KCNQ3: variants seen among roughly 807,000 people sequenced by gnomAD.
KCNQ3 encodes potassium voltage-gated channel subfamily Q member 3.
Under a neutral mutation model 92.5 loss-of-function variants are expected in KCNQ3, and 30 were observed. The ratio of observed to expected loss-of-function variants is 0.32; its 90% CI spans 0.24 to 0.44. KCNQ3 has a LOEUF of 0.44. Ranked by LOEUF, KCNQ3 falls within the 20% of genes least tolerant of loss-of-function variation. KCNQ3 has a pLI of 1.00. For missense variants in KCNQ3, 913 were observed against 1,140.3 expected (o/e 0.80, Z 2.87); for synonymous variants, 450 against 468.8 (o/e 0.96, Z 0.52).
intron 1 of KCNQ3, among the ~76,000 whole-genome samples, chr8:132,360,625 G>A (rs1027854926): frequency 5.3e-5 from 8 of 152,288 alleles, no homozygotes; most frequent in South Asian, 4.1e-4. Context: ...TCAGACTCAC[G>A]ACAAGAGCTG....
intron 1 of KCNQ3, among the ~76,000 whole-genome samples, chr8:132,372,083 A>G (rs1359012638): frequency 6.6e-6 from 1 of 152,026 alleles, no homozygotes; most frequent in Non-Finnish European, 1.5e-5. Flanking sequence ...TCCCAGCCCT[A>G]TCCTTCCCCA....
At chr8:132,203,701 T>A (rs1377837556) in intron 1 of KCNQ3, among the ~76,000 whole-genome samples, 3 of 152,200 alleles carry the variant, frequency 2.0e-5, no homozygotes. Flanking sequence ...TCCAATCCCT[T>A]GTGTTTATTA....
intron 1 of KCNQ3, among the ~76,000 whole-genome samples, chr8:132,455,540 T>G (rs1779240391): frequency 6.6e-6 from 1 of 152,242 alleles, no homozygotes; most frequent in South Asian, 2.1e-4. Context: ...ATTTATTCGT[T>G]TCTTCAGTTG....
chr8:132,335,790 G>T (rs1040307874), intron 1 of KCNQ3, among the ~76,000 whole-genome samples: 1 of 152,200 alleles, frequency 6.6e-6, no homozygotes, highest in Non-Finnish European at 1.5e-5. Flanking sequence ...AAGAAGCAAA[G>T]TTGGGGAAAA....
rs1045966596 is a variant in KCNQ3 at position 132,307,445 on chromosome 8, C to T, written c.387-121264G>A. ...GGTAAAGTAAGCTACAACAACTACA[C>T]TGAGAAACGTGGGGCTTAGTTCTTG... On this transcript the variant is annotated intron_variant, in intron 1 of 14. Transcript: ENST00000388996. Among the ~76,000 whole-genome samples the T allele has an allele frequency of 4.6e-5, 7 of 152,218 alleles. No homozygotes were observed. The East Asian group carries it at 1.3e-3, about 29-fold the overall frequency.
chr8:132,337,242 G>T (rs200190772), intron 1 of KCNQ3, among the ~76,000 whole-genome samples: 1 of 152,182 alleles, frequency 6.6e-6, no homozygotes, highest in East Asian at 1.9e-4. Context: ...CCAGCACTTT[G>T]GCAGTCCAAG....
At chr8:132,145,624 T>G (rs1284565635) in intron 9 of KCNQ3, among the ~76,000 whole-genome samples, 1 of 152,216 alleles carries the variant, frequency 6.6e-6, no homozygotes, top group Non-Finnish European at 1.5e-5. Context: ...GAGCTTATGA[T>G]AAAGTCGAGA....
intron 1 of KCNQ3, among the ~76,000 whole-genome samples, chr8:132,288,373 C>T (rs369150354): frequency 6.6e-6 from 1 of 152,164 alleles, no homozygotes; most frequent in Non-Finnish European, 1.5e-5. Context: ...ATAATTTTGC[C>T]TTTGATCTTG....
chr8:132,211,551 T>C (rs1167742323), intron 1 of KCNQ3, among the ~76,000 whole-genome samples: 1 of 152,200 alleles, frequency 6.6e-6, no homozygotes, highest in Non-Finnish European at 1.5e-5. Flanking sequence ...TTTGAGTCCT[T>C]TATAAGATCT....
chr8:132,149,320 TG>T (rs1171195575), intron 9 of KCNQ3, among the ~76,000 whole-genome samples: 1 of 152,188 alleles, frequency 6.6e-6, no homozygotes, highest in African/African-American at 2.4e-5. Flanking sequence ...GGTGGGGACT[TG>T]GGATGCTATC....
intron 1 of KCNQ3, among the ~76,000 whole-genome samples, chr8:132,260,051 C>A (rs1188145357): frequency 3.9e-5 from 6 of 152,136 alleles, no homozygotes; most frequent in African/African-American, 1.4e-4. Flanking sequence ...GAAGATTTAG[C>A]ATTGTTAAGA....
At chr8:132,468,759 G>A (rs1217835803) in intron 1 of KCNQ3, among the ~76,000 whole-genome samples, 1 of 152,200 alleles carries the variant, frequency 6.6e-6, no homozygotes, top group Non-Finnish European at 1.5e-5. Flanking sequence ...GAGAGGAGAG[G>A]AGGTTCCCAG....
At chr8:132,361,411 T>C (rs1033379448) in intron 1 of KCNQ3, among the ~76,000 whole-genome samples, 2 of 152,238 alleles carry the variant, frequency 1.3e-5, no homozygotes, top group African/African-American at 4.8e-5. Context: ...TGTTCTTTAA[T>C]GTACTGACCT....
At chr8:132,470,940 T>C (rs889760302) in intron 1 of KCNQ3, among the ~76,000 whole-genome samples, 8 of 152,236 alleles carry the variant, frequency 5.3e-5, no homozygotes, top group Non-Finnish European at 1.2e-4. Context: ...TAGGCACCAT[T>C]GCAGGTATGT....
intron 9 of KCNQ3, among the ~76,000 whole-genome samples, chr8:132,144,217 T>C (rs1825384238): frequency 6.6e-6 from 1 of 152,240 alleles, no homozygotes; most frequent in Non-Finnish European, 1.5e-5. Context: ...GGAATCCAGA[T>C]GCGTGGAACA....
chr8:132,293,999 GGTT>G (rs1816939414), intron 1 of KCNQ3, among the ~76,000 whole-genome samples: 2 of 87,780 alleles, frequency 2.3e-5, no homozygotes, highest in African/African-American at 6.8e-5. Context: ...GTGTGTGTGT[GGTT>G]TTTTTTTTTT....
chr8:132,186,155 A>G lies in KCNQ3; in HGVS notation c.413T>C (p.Ile138Thr), dbSNP rs367706720. ...CTTGAATGTGGTCAGGACAGCCAGA[A>G]TCAAGCACCCCAGGACAATCAGGAA... ...LVFLIVLGCL[I>T]LAVLTTFKEY... The change falls in exon 2 of 15, where the codon ATT becomes ACT. Residue 138 changes from isoleucine to threonine, a missense_variant. Coordinates refer to ENST00000388996, the MANE Select transcript of KCNQ3 (RefSeq NM_004519.4). The G allele has an allele frequency of 5.6e-6, 9 of 1,613,798 alleles. No individual in the cohort carries two copies. The highest frequency in any genetic ancestry group is 7.6e-6 in the Non-Finnish European group (9 of 1,179,776).
At chr8:132,459,555 G>T (rs4736584) in intron 1 of KCNQ3, among the ~76,000 whole-genome samples, 35,873 of 151,952 alleles carry the variant, frequency 0.24, 4,481 homozygotes, top group East Asian at 0.37. Flanking sequence ...CACACAGGGA[G>T]GGGATTAATT....
intron 1 of KCNQ3, among the ~76,000 whole-genome samples, chr8:132,443,597 C>T (rs560916220): frequency 2.6e-5 from 4 of 152,186 alleles, no homozygotes; most frequent in African/African-American, 9.7e-5. Context: ...AAACACACCC[C>T]TCCCCAGCAC....
Sources: allele counts gnomAD v4.1 joint callset (sites outside exome capture counted in the v4.1 genomes callset), GRCh38; gene constraint gnomAD v4.1.1; transcripts MANE v1.5; gene names NCBI Gene and HGNC (gene_info 2026-07-23, HGNC 2026-07-21).